The following XIST variants were observed in gnomAD, a reference collection of about 807,000 sequenced individuals.
XIST encodes the protein X inactive specific transcript (non-protein coding).
At chrX:73,835,469 G>A (rs1603361367) in intron 2 of XIST, among the ~76,000 whole-genome samples, 1 of 111,956 alleles carries the variant, frequency 8.9e-6, no homozygotes, top group African/African-American at 3.2e-5. Flanking sequence ...TTACAGACAC[G>A]CCACTCAAAA....
exon 1 of XIST, chrX:73,848,931 C>A (rs753129926): frequency 1.3e-5 from 7 of 554,545 alleles, no homozygotes; most frequent in Non-Finnish European, 2.3e-5. Context: ...TTCTCTGTTA[C>A]GCAGAACCAT....
In XIST at chrX:73,824,521, G is replaced by A. The variant is rs201261360; in HGVS notation, n.15380C>T. The A allele has an allele frequency of 7.2e-6, 4 of 556,140 alleles. No homozygotes were observed. In the East Asian group the frequency reaches 1.3e-4, roughly 18 times the overall value. 45.8% of individuals were successfully genotyped at this position (556,140 alleles called of 1,213,427 possible). On this transcript the variant is annotated non_coding_transcript_exon_variant, in exon 6 of 6. Coordinates refer to ENST00000429829, the Ensembl canonical transcript of XIST. ...GTTCACATAGTAGGCAATCAAAATT[G>A]ATCTATTTAACAGGTATTTAAACCC...
chrX:73,837,211 G>C (rs1017400105), intron 2 of XIST, among the ~76,000 whole-genome samples: 4 of 111,280 alleles, frequency 3.6e-5, no homozygotes, highest in Non-Finnish European at 5.7e-5. Context: ...AGGTGATTAA[G>C]GATAACATAA....
exon 6 of XIST, chrX:73,825,803 A>G (rs1569511627): frequency 1.9e-6 from 1 of 532,551 alleles, no homozygotes; most frequent in Admixed American, 2.5e-5. Context: ...CAATACACTA[A>G]TTGGTTTTTC....
chrX:73,833,817 T>G (rs2147700458), intron 2 of XIST: 1 of 115,818 alleles, frequency 8.6e-6, no homozygotes, highest in South Asian at 3.5e-4. Context: ...ATTTGCAGTC[T>G]TGAAAGCACT....
At chrX:73,850,574 A>G (rs764531786) in exon 1 of XIST, 10 of 540,103 alleles carry the variant, frequency 1.9e-5, no homozygotes, top group Non-Finnish European at 3.0e-5. Context: ...CTGTTGGCCA[A>G]CGATCATCTG....
At chrX:73,852,187 TG>T (rs1370947964) in exon 1 of XIST, 1 of 530,338 alleles carries the variant, frequency 1.9e-6, no homozygotes, top group Non-Finnish European at 3.3e-6. Flanking sequence ...GTCACCCCGA[TG>T]GGCCAGAGTG....
exon 6 of XIST, chrX:73,825,421 A>G (rs748927726): frequency 9.1e-6 from 5 of 549,912 alleles, no homozygotes; most frequent in South Asian, 6.8e-5. Flanking sequence ...AGTGCTTTAC[A>G]GTTTACAAAG....
At chrX:73,821,946 G>A (rs753450019) in exon 6 of XIST, 5 of 557,232 alleles carry the variant, frequency 9.0e-6, no homozygotes, top group Admixed American at 6.7e-5. Context: ...GCTGTTGCAT[G>A]AGAAATCATG....
chrX:73,848,291 C>T (rs777829755), exon 1 of XIST: 5 of 555,143 alleles, frequency 9.0e-6, no homozygotes, highest in Admixed American at 2.2e-5. Flanking sequence ...GCATTTTGCA[C>T]ATCAATAATT....
At chrX:73,849,468 T>A in exon 1 of XIST, 1 of 558,786 alleles carries the variant, frequency 1.8e-6, no homozygotes, top group Non-Finnish European at 3.2e-6. Flanking sequence ...TACTCAAAAT[T>A]GGGACTGTGA....
At chrX:73,847,485 G>T in exon 1 of XIST, 1 of 513,192 alleles carries the variant, frequency 1.9e-6, no homozygotes, top group Non-Finnish European at 3.5e-6. Flanking sequence ...CTCCCAAAGT[G>T]CTGGGATTAC....
intron 3 of XIST, chrX:73,831,375 T>A: frequency 2.3e-6 from 1 of 433,501 alleles, no homozygotes; most frequent in Non-Finnish European, 4.0e-6. Context: ...TTTACCCTTT[T>A]CTTCATGTGG....
chrX:73,820,813 A>G (rs1231932458), exon 6 of XIST: 2 of 556,854 alleles, frequency 3.6e-6, no homozygotes, highest in African/African-American at 2.2e-5. Flanking sequence ...GAGATTCTGC[A>G]TTTCACATCA....
chrX:73,834,102 A>G (rs368996809), intron 2 of XIST, among the ~76,000 whole-genome samples: 5 of 112,275 alleles, frequency 4.5e-5, no homozygotes, highest in African/African-American at 6.5e-5. Flanking sequence ...TTAATCTAAG[A>G]TTAGATACTT....
chrX:73,851,866 T>A, exon 1 of XIST: 1 of 558,711 alleles, frequency 1.8e-6, no homozygotes, highest in Non-Finnish European at 3.2e-6. Context: ...TTAGCTTAAC[T>A]GCAGAGTCAT....
At chrX:73,832,801 C>A (rs773894521) in intron 3 of XIST, among the ~76,000 whole-genome samples, 1 of 110,767 alleles carries the variant, frequency 9.0e-6, no homozygotes, top group South Asian at 3.8e-4. Flanking sequence ...TGAAACAGGC[C>A]GAACTCATTA....
chrX:73,843,382 TG>T, exon 1 of XIST: 1 of 559,069 alleles, frequency 1.8e-6, no homozygotes, highest in East Asian at 3.2e-5. Flanking sequence ...TGCTATTAAT[TG>T]TCCAAGAGCT....
At chrX:73,852,506 A>G (rs778532386) in exon 1 of XIST, 15 of 540,609 alleles carry the variant, frequency 2.8e-5, no homozygotes, top group African/African-American at 1.8e-4. Flanking sequence ...TATTCCAAAT[A>G]CTTTCTTTAA....
Sources: gnomAD v4.1 joint callset for allele counts (sites outside exome capture counted in the v4.1 genomes callset) on GRCh38, gnomAD v4.1.1 for gene constraint, MANE v1.5 for transcripts, NCBI Gene and HGNC (gene_info 2026-07-23, HGNC 2026-07-21) for gene names.